The following MAGT1 variants were observed in gnomAD, a reference collection of about 807,000 sequenced individuals.
MAGT1 encodes the protein magnesium transporter 1.
In MAGT1, 4 loss-of-function variants were observed where a neutral mutation model predicts 28.4. The ratio of observed to expected loss-of-function variants is 0.14; its 90% confidence interval spans 0.07 to 0.32. The LOEUF (loss-of-function observed/expected upper bound fraction) is 0.32. Among genes scored for constraint, MAGT1 ranks in the 10% least tolerant of loss-of-function variants. The pLI, the probability that MAGT1 is intolerant of heterozygous loss-of-function variation, is 1.00. For synonymous variants in MAGT1, 89 were observed against 89.7 expected (o/e 0.99, Z 0.04); for missense variants, 193 against 264.5 (o/e 0.73, Z 1.88).
chrX:77,889,326 A>AGGTGTGT (rs2077075509), intron 1 of MAGT1, among the ~76,000 whole-genome samples: 1 of 101,282 alleles, frequency 9.9e-6, no homozygotes, highest in Admixed American at 1.1e-4. Flanking sequence ...GGTACATAGT[A>AGGTGTGT]GGTGTGTGTG....
At chrX:77,861,110 C>T (rs1057072686) in intron 3 of MAGT1, among the ~76,000 whole-genome samples, 2 of 108,633 alleles carry the variant, frequency 1.8e-5, no homozygotes, top group East Asian at 2.9e-4. Context: ...ACCCGGGAAA[C>T]GGAGGTTGTG....
intron 8 of MAGT1, among the ~76,000 whole-genome samples, chrX:77,832,116 T>C (rs2076900259): frequency 8.9e-6 from 1 of 112,053 alleles, no homozygotes; most frequent in South Asian, 3.6e-4. Flanking sequence ...CTCTCTCCAC[T>C]AATCCCACAT....
chrX:77,855,815 G>A (rs1557215925), intron 5 of MAGT1, among the ~76,000 whole-genome samples: 1 of 108,954 alleles, frequency 9.2e-6, no homozygotes, highest in Non-Finnish European at 1.9e-5. Context: ...CTTTTGCCCA[G>A]ACTAGAGTGT....
intron 2 of MAGT1, among the ~76,000 whole-genome samples, chrX:77,871,669 CT>C (rs1462892890): frequency 9.0e-6 from 1 of 111,163 alleles, no homozygotes; most frequent in African/African-American, 3.3e-5. Flanking sequence ...TGGTGAAACC[CT>C]ATCTCTACCA....
intron 1 of MAGT1, among the ~76,000 whole-genome samples, chrX:77,889,434 C>T (rs1305479961): frequency 9.6e-6 from 1 of 103,770 alleles, no homozygotes; most frequent in Non-Finnish European, 2.0e-5. Flanking sequence ...TGCAGTGGGG[C>T]GATCTCGGCT....
chrX:77,832,822 CAAAAAA>C (rs72197791), intron 8 of MAGT1, among the ~76,000 whole-genome samples: 19 of 32,350 alleles, frequency 5.9e-4, no homozygotes, highest in Admixed American at 1.7e-3. Context: ...GCCTCTGTCT[CAAAAAA>C]AAAAAAAAAA....
chrX:77,853,247 T>C (rs1219896186), intron 7 of MAGT1, among the ~76,000 whole-genome samples: 2 of 112,067 alleles, frequency 1.8e-5, no homozygotes. Context: ...AGCTGTAAAA[T>C]GTCAAAATAT....
chrX:77,880,434 CAGG>C (rs1260871673), intron 1 of MAGT1, among the ~76,000 whole-genome samples: 1 of 109,193 alleles, frequency 9.2e-6, no homozygotes, highest in Non-Finnish European at 1.9e-5. Flanking sequence ...GAGGCTGAGG[CAGG>C]AGAATTGCTT....
intron 1 of MAGT1, among the ~76,000 whole-genome samples, chrX:77,883,464 A>G (rs1222553312): frequency 9.2e-6 from 1 of 108,942 alleles, no homozygotes; most frequent in African/African-American, 3.3e-5. Context: ...GTTCAAAGGA[A>G]TTATCTTTTT....
At chrX:77,879,358 C>G (rs1169523924) in intron 1 of MAGT1, among the ~76,000 whole-genome samples, 1 of 111,544 alleles carries the variant, frequency 9.0e-6, no homozygotes, top group Non-Finnish European at 1.9e-5. Flanking sequence ...TCCAGCCCCA[C>G]CCTCAATGTT....
At position 77,853,837 on chromosome X, in the gene MAGT1, G is replaced by C. The variant is rs1312278444; in HGVS notation, c.826+64C>G. 4 of 920,125 alleles carry C rather than the reference G, an allele frequency of 4.3e-6. No individual in the cohort carries two copies. The African/African-American group carries it at 7.8e-5, about 18-fold the overall frequency. 75.8% of individuals were successfully genotyped at this position (920,125 alleles called of 1,213,427 possible). ...AACAGCCCCAGCCAAATGCTGTAGA[G>C]AGAATACTAGACTGTGAGAAAACAG... On this transcript the variant is annotated intron_variant, in intron 7 of 9. Coordinates refer to ENST00000618282, the MANE Select transcript of MAGT1 (RefSeq NM_001367916.1).
intron 2 of MAGT1, among the ~76,000 whole-genome samples, chrX:77,874,537 A>C (rs1487307703): frequency 1.9e-5 from 2 of 104,589 alleles, no homozygotes; most frequent in Non-Finnish European, 3.9e-5. Flanking sequence ...TGGAGGCTGC[A>C]GTGAGTCAAG....
At chrX:77,864,601 T>C (rs1557216719) in intron 3 of MAGT1, among the ~76,000 whole-genome samples, 1 of 111,887 alleles carries the variant, frequency 8.9e-6, no homozygotes, top group Non-Finnish European at 1.9e-5. Context: ...GGTTTTCTAT[T>C]TTTACAAATC....
At chrX:77,878,289 C>CAAAA (rs1205547369) in intron 1 of MAGT1, among the ~76,000 whole-genome samples, 4 of 15,070 alleles carry the variant, frequency 2.7e-4, no homozygotes, top group African/African-American at 5.6e-4. Context: ...AACTCTGATG[C>CAAAA]AAAAAAAAAA....
chrX:77,841,415 T>C, intron 7 of MAGT1, 95 bp from the exon 8 acceptor site: 2 of 624,666 alleles, frequency 3.2e-6, no homozygotes, highest in Non-Finnish European at 5.4e-6. Context: ...AAAATGAATA[T>C]ATAAACCTTC....
At chrX:77,855,714 T>G (rs969255361) in intron 5 of MAGT1, 124 bp from the exon 6 acceptor site, 1 of 461,380 alleles carries the variant, frequency 2.2e-6, no homozygotes, top group African/African-American at 2.4e-5. Flanking sequence ...ATAAATGATT[T>G]ATTAAGGCTT....
At chrX:77,836,257 C>G (rs782281630) in intron 8 of MAGT1, among the ~76,000 whole-genome samples, 46 of 110,545 alleles carry the variant, frequency 4.2e-4, no homozygotes, top group Non-Finnish European at 5.1e-4. Context: ...TGGGGAATGC[C>G]GGGGGAAGTA....
intron 2 of MAGT1, among the ~76,000 whole-genome samples, chrX:77,875,034 T>A (rs1322594097): frequency 9.1e-6 from 1 of 109,498 alleles, no homozygotes; most frequent in African/African-American, 3.3e-5. Flanking sequence ...TTTGTATTTT[T>A]TTTTTTTTAG....
chrX:77,832,674 A>G (rs1406190781), intron 8 of MAGT1, among the ~76,000 whole-genome samples: 5 of 109,681 alleles, frequency 4.6e-5, no homozygotes, highest in Admixed American at 3.9e-4. Flanking sequence ...ACTAAAAACT[A>G]CAAAAAAAAT....
Sources: gnomAD v4.1 joint callset for allele counts (sites outside exome capture counted in the v4.1 genomes callset) on GRCh38, gnomAD v4.1.1 for gene constraint, MANE v1.5 for transcripts, NCBI Gene and HGNC (gene_info 2026-07-23, HGNC 2026-07-21) for gene names.